GRIN3A: variants seen among roughly 807,000 people sequenced by gnomAD.
GRIN3A encodes the protein glutamate receptor ionotropic, NMDA 3A.
GRIN3A carries 47 observed loss-of-function variants against 92.4 expected under a neutral mutation model. The ratio of observed to expected loss-of-function variants is 0.51; its 90% CI spans 0.40 to 0.65. The LOEUF (loss-of-function observed/expected upper bound fraction) is 0.65, where lower values mean the gene tolerates loss of function less well. GRIN3A is among the 30% of genes least tolerant of loss of function. GRIN3A has a pLI of 0.00. For missense variants in GRIN3A, 1,324 were observed against 1,393.1 expected (o/e 0.95, Z 0.79); for synonymous variants, 527 against 540.6 (o/e 0.97, Z 0.35).
At chr9:101,678,167 G>A (rs1829423322) in intron 2 of GRIN3A, among the ~76,000 whole-genome samples, 1 of 152,108 alleles carries the variant, frequency 6.6e-6, no homozygotes, top group Non-Finnish European at 1.5e-5. Flanking sequence ...TGGGGTAAAT[G>A]CAATTAAACA....
chr9:101,652,999 C>G (rs1829033886), intron 3 of GRIN3A, among the ~76,000 whole-genome samples: 1 of 151,888 alleles, frequency 6.6e-6, no homozygotes, highest in African/African-American at 2.4e-5. Flanking sequence ...TGGTTTGACT[C>G]AGCCCAAGGA....
chr9:101,647,364 TC>T (rs918408423), intron 3 of GRIN3A, among the ~76,000 whole-genome samples: 3 of 151,978 alleles, frequency 2.0e-5, no homozygotes, highest in African/African-American at 7.2e-5. Context: ...TGGTGAATGA[TC>T]TTTTTCAGGG....
intron 1 of GRIN3A, among the ~76,000 whole-genome samples, chr9:101,714,902 G>A (rs1196489570): frequency 6.6e-6 from 1 of 152,032 alleles, no homozygotes. Context: ...AATATCATGG[G>A]CTTCTCAGTT....
At chr9:101,662,195 T>G (rs2118934660) in intron 3 of GRIN3A, among the ~76,000 whole-genome samples, 1 of 151,894 alleles carries the variant, frequency 6.6e-6, no homozygotes, top group East Asian at 2.0e-4. Context: ...AATTAATCTG[T>G]TTTTAGTAGG....
At chr9:101,726,765 T>G (rs1830086355) in intron 1 of GRIN3A, among the ~76,000 whole-genome samples, 2 of 151,600 alleles carry the variant, frequency 1.3e-5, no homozygotes, top group South Asian at 2.1e-4. Context: ...TTAAAAAGTT[T>G]TTTATTTTTG....
intron 1 of GRIN3A, among the ~76,000 whole-genome samples, chr9:101,701,799 A>G (rs1490852543): frequency 6.6e-6 from 1 of 152,166 alleles, no homozygotes; most frequent in Non-Finnish European, 1.5e-5. Flanking sequence ...CAAACTTTCA[A>G]TTATATAGAT....
At chr9:101,723,671 A>G (rs895810523) in intron 1 of GRIN3A, among the ~76,000 whole-genome samples, 4 of 152,080 alleles carry the variant, frequency 2.6e-5, no homozygotes, top group Non-Finnish European at 4.4e-5. Context: ...AGCTAGACAC[A>G]AAGGTTCTCC....
intron 6 of GRIN3A, among the ~76,000 whole-genome samples, chr9:101,605,581 T>TA (rs371636161): frequency 6.6e-6 from 1 of 152,002 alleles, no homozygotes; most frequent in Non-Finnish European, 1.5e-5. Flanking sequence ...TGGGTGAAGG[T>TA]AAAGGCTGGG....
chr9:101,617,749 T>TA (rs372210570), intron 5 of GRIN3A, among the ~76,000 whole-genome samples: 12,846 of 143,254 alleles, frequency 0.09, 1,136 homozygotes, highest in African/African-American at 0.23. Context: ...CTGCACCCAC[T>TA]ACTCGTCATC....
intron 1 of GRIN3A, among the ~76,000 whole-genome samples, chr9:101,693,333 T>G: frequency 6.7e-6 from 1 of 149,990 alleles, no homozygotes; most frequent in South Asian, 2.1e-4. Flanking sequence ...GGAACGAGAG[T>G]TGCTTGAGTC....
chr9:101,649,298 A>AT lies in GRIN3A; in HGVS notation c.2352+20761_2352+20762insA, dbSNP rs139782801. On this transcript the variant is annotated intron_variant, in intron 3 of 8. Coordinates refer to ENST00000361820, the MANE Select transcript of GRIN3A (RefSeq NM_133445.3). ...CCCTGCCTATTGTTTCCCCTGCAGC[A>AT]CGGTAGCATCAGCCACATGGTGTCT... is the stretch of plus-strand genomic sequence containing the variant. Among the ~76,000 whole-genome samples, 1,126 of 152,108 alleles carry AT rather than the reference A, an allele frequency of 7.4e-3. 16 individuals are homozygous for AT. Among genetic ancestry groups the AT allele is most frequent in the African/African-American group, 0.026 (1,087 of 41,534 alleles).
chr9:101,630,698 A>G (rs1304553420), intron 3 of GRIN3A, among the ~76,000 whole-genome samples: 1 of 152,226 alleles, frequency 6.6e-6, no homozygotes, highest in Non-Finnish European at 1.5e-5. Context: ...AATTTTCACA[A>G]TAATCTTACA....
At chr9:101,650,867 T>C (rs547283854) in intron 3 of GRIN3A, among the ~76,000 whole-genome samples, 2 of 152,126 alleles carry the variant, frequency 1.3e-5, no homozygotes, top group South Asian at 4.2e-4. Flanking sequence ...GGTAAACTGC[T>C]ATTATTTCTT....
intron 2 of GRIN3A, among the ~76,000 whole-genome samples, chr9:101,680,305 T>C (rs114541898): frequency 0.014 from 2,093 of 152,320 alleles, 40 homozygotes; most frequent in African/African-American, 0.047. Context: ...AATTTATATG[T>C]TGGGTTTTTT....
rs1829365048 is a variant in GRIN3A at position 101,674,329 on chromosome 9, T to C, written c.1305-3222A>G. ...GGAGGGGACTGAACATAAGTCCACA[T>C]GTGAGGAACAATGCTTCTTCCTTCT... On this transcript the variant is annotated intron_variant, in intron 2 of 8. Coordinates refer to ENST00000361820, the MANE Select transcript of GRIN3A (RefSeq NM_133445.3). 2.0e-5 allele frequency among the ~76,000 whole-genome samples: 3 copies of C among 152,098 alleles called. No homozygotes were observed. In the South Asian group the frequency reaches 6.2e-4, roughly 31 times the overall value.
At chr9:101,706,816 A>C (rs1829820120) in intron 1 of GRIN3A, among the ~76,000 whole-genome samples, 1 of 152,214 alleles carries the variant, frequency 6.6e-6, no homozygotes, top group South Asian at 2.1e-4. Context: ...TTACCTAAAA[A>C]TGTGGAACGT....
chr9:101,722,607 A>T (rs989246069), intron 1 of GRIN3A, among the ~76,000 whole-genome samples: 2 of 152,216 alleles, frequency 1.3e-5, no homozygotes, highest in Non-Finnish European at 2.9e-5. Flanking sequence ...AGACCATGAG[A>T]ACATACTTTT....
At chr9:101,720,481 T>TC (rs1006055169) in intron 1 of GRIN3A, among the ~76,000 whole-genome samples, 37 of 152,224 alleles carry the variant, frequency 2.4e-4, no homozygotes, top group African/African-American at 8.7e-4. Flanking sequence ...CGACTCCATA[T>TC]CCCCTTGGTC....
At chr9:101,637,811 G>C (rs146575045) in intron 3 of GRIN3A, among the ~76,000 whole-genome samples, 3 of 152,240 alleles carry the variant, frequency 2.0e-5, no homozygotes, top group African/African-American at 7.2e-5. Context: ...ACATTATACT[G>C]TACTACTTCC....
Sources: gnomAD v4.1 joint callset for allele counts (sites outside exome capture counted in the v4.1 genomes callset) on GRCh38, gnomAD v4.1.1 for gene constraint, MANE v1.5 for transcripts, NCBI Gene and HGNC (gene_info 2026-07-23, HGNC 2026-07-21) for gene names.